The following C7orf78 variants were observed in gnomAD, a reference collection of about 807,000 sequenced individuals.
C7orf78 encodes the protein chromosome 7 open reading frame 78, also known as putative uncharacterized protein C7orf78.
the C7orf78 span, among the ~76,000 whole-genome samples, chr7:12,486,057 TA>T: frequency 6.6e-6 from 1 of 152,248 alleles, no homozygotes; most frequent in South Asian, 2.1e-4. Context: ...ATATCAAAAC[TA>T]AATTTTCATG....
chr7:12,493,333 G>A, the C7orf78 span, among the ~76,000 whole-genome samples: 66 of 152,308 alleles, frequency 4.3e-4, 1 homozygote, highest in East Asian at 0.012. Flanking sequence ...ATATGTGTAG[G>A]AATGTGTGCA....
At chr7:12,517,053 G>A in the C7orf78 span, among the ~76,000 whole-genome samples, 57 of 152,108 alleles carry the variant, frequency 3.7e-4, 2 homozygotes, top group Admixed American at 3.2e-3. Context: ...GAGGGGCCAG[G>A]GGTGGAATGA....
chr7:12,510,289 A>T, the C7orf78 span, among the ~76,000 whole-genome samples: 1 of 151,786 alleles, frequency 6.6e-6, no homozygotes, highest in Non-Finnish European at 1.5e-5. Flanking sequence ...GACTCAGGAG[A>T]TCTTCCTACC....
chr7:12,518,762 G>A, the C7orf78 span, among the ~76,000 whole-genome samples: 6 of 152,192 alleles, frequency 3.9e-5, no homozygotes, highest in African/African-American at 1.4e-4. Context: ...TAGTAGGCAG[G>A]TTGAGACAGT....
the C7orf78 span, among the ~76,000 whole-genome samples, chr7:12,514,390 A>G: frequency 4.6e-5 from 7 of 151,846 alleles, no homozygotes; most frequent in South Asian, 1.5e-3. Context: ...TTTTTTTTTA[A>G]TAGAATATCT....
the C7orf78 span, among the ~76,000 whole-genome samples, chr7:12,508,030 C>T: frequency 4.6e-5 from 7 of 152,302 alleles, no homozygotes; most frequent in East Asian, 3.9e-4. Context: ...CATCATGCTA[C>T]GTTCTCCGGC....
the C7orf78 span, among the ~76,000 whole-genome samples, chr7:12,527,935 T>C: frequency 3.4e-5 from 5 of 148,898 alleles, no homozygotes; most frequent in African/African-American, 2.5e-5. Flanking sequence ...GAAAATGCCA[T>C]CTAGCTGTGT....
At chr7:12,503,872 G>C in the C7orf78 span, among the ~76,000 whole-genome samples, 1 of 152,092 alleles carries the variant, frequency 6.6e-6, no homozygotes. Flanking sequence ...CAATTTGGGA[G>C]GCTGAGGTGG....
At chr7:12,513,097 C>T in the C7orf78 span, among the ~76,000 whole-genome samples, 89 of 151,832 alleles carry the variant, frequency 5.9e-4, no homozygotes, top group Admixed American at 1.6e-3. Context: ...TCGATTTTAT[C>T]TATCTTTTCA....
chr7:12,511,174 G>T, the C7orf78 span, among the ~76,000 whole-genome samples: 1 of 152,050 alleles, frequency 6.6e-6, no homozygotes, highest in Non-Finnish European at 1.5e-5. Flanking sequence ...TGGTGGCTTT[G>T]AGGAAGATAA....
the C7orf78 span, chr7:12,506,152 G>C: frequency 3.9e-5 from 6 of 152,344 alleles, no homozygotes; most frequent in East Asian, 1.2e-3. Flanking sequence ...ACAGATGCTG[G>C]AGAGGTTGTG....
the C7orf78 span, among the ~76,000 whole-genome samples, chr7:12,510,566 C>T: frequency 6.6e-6 from 1 of 152,070 alleles, no homozygotes; most frequent in Admixed American, 6.6e-5. Flanking sequence ...TATACTCTTG[C>T]CAGCATATGT....
chr7:12,489,999 A>G, the C7orf78 span, among the ~76,000 whole-genome samples: 1 of 152,138 alleles, frequency 6.6e-6, no homozygotes, highest in Admixed American at 6.5e-5. Flanking sequence ...GAAATTTTCC[A>G]TACTATCACA....
the C7orf78 span, among the ~76,000 whole-genome samples, chr7:12,516,735 C>T: frequency 6.6e-6 from 1 of 152,182 alleles, no homozygotes. Flanking sequence ...CAAAGGAGAT[C>T]ATTTTGGGGC....
the C7orf78 span, among the ~76,000 whole-genome samples, chr7:12,499,663 C>T: frequency 3.3e-5 from 5 of 151,492 alleles, no homozygotes; most frequent in Admixed American, 2.6e-4. Context: ...CAACATTAGA[C>T]AGATCAAGGA....
At chr7:12,515,994 A>G in the C7orf78 span, among the ~76,000 whole-genome samples, 1 of 152,182 alleles carries the variant, frequency 6.6e-6, no homozygotes, top group Non-Finnish European at 1.5e-5. Context: ...TTCTGAGGAG[A>G]AATTCAACCT....
At chr7:12,530,106 C>A in the C7orf78 span, among the ~76,000 whole-genome samples, 1,222 of 152,200 alleles carry the variant, frequency 8.0e-3, 17 homozygotes, top group African/African-American at 0.028. Flanking sequence ...CGCCTCCTAC[C>A]TCAGATTCAA....
the C7orf78 span, among the ~76,000 whole-genome samples, chr7:12,516,725 C>T: frequency 5.9e-5 from 9 of 152,188 alleles, no homozygotes; most frequent in Non-Finnish European, 1.3e-4. Flanking sequence ...GACCTGGAGT[C>T]AAAGGAGATC....
chr7:12,494,295 G>A, the C7orf78 span, among the ~76,000 whole-genome samples: 1 of 152,148 alleles, frequency 6.6e-6, no homozygotes, highest in Non-Finnish European at 1.5e-5. Context: ...GGTGTACATG[G>A]TGCATGATGG....
Sources: allele counts gnomAD v4.1 joint callset (sites outside exome capture counted in the v4.1 genomes callset), GRCh38; gene constraint gnomAD v4.1.1; transcripts MANE v1.5; gene names NCBI Gene and HGNC (gene_info 2026-07-23, HGNC 2026-07-21).